The following PPFIA2 variants were observed in gnomAD, a reference collection of about 807,000 sequenced individuals.
The protein encoded by PPFIA2 is liprin-alpha-2.
In PPFIA2, 46 loss-of-function variants were observed where a neutral mutation model predicts 175.5. That is an observed-to-expected ratio of 0.26 (90% CI 0.21 to 0.34). The LOEUF (loss-of-function observed/expected upper bound fraction) is 0.34. Among genes scored for constraint, PPFIA2 ranks in the 10% least tolerant of loss-of-function variants. PPFIA2 has a pLI of 1.00. For synonymous variants in PPFIA2, 568 were observed against 511.4 expected, an observed-to-expected ratio of 1.11 and a Z score of -1.49; for missense variants, 1,179 against 1,506.1, an observed-to-expected ratio of 0.78 and a Z score of 3.60.
At chr12:81,683,986 C>A (rs1397603849) in intron 3 of PPFIA2, among the ~76,000 whole-genome samples, 1 of 152,040 alleles carries the variant, frequency 6.6e-6, no homozygotes, top group Non-Finnish European at 1.5e-5. Context: ...AACCCACTCA[C>A]CCCCAAGGGA....
At chr12:81,304,923 A>T (rs2048785638) in intron 22 of PPFIA2, among the ~76,000 whole-genome samples, 1 of 152,032 alleles carries the variant, frequency 6.6e-6, no homozygotes. Context: ...CACGGACTTG[A>T]GTCAGGCCAG....
chr12:81,601,671 T>C (rs1178630085), intron 4 of PPFIA2, among the ~76,000 whole-genome samples: 2 of 151,924 alleles, frequency 1.3e-5, no homozygotes, highest in Non-Finnish European at 2.9e-5. Flanking sequence ...TGAACAGTCT[T>C]GGAGCAGGCT....
intron 4 of PPFIA2, among the ~76,000 whole-genome samples, chr12:81,510,006 G>T (rs927664249): frequency 1.3e-5 from 2 of 152,066 alleles, no homozygotes; most frequent in African/African-American, 4.8e-5. Context: ...CACTCCAACT[G>T]CTTAATTTCC....
intron 4 of PPFIA2, among the ~76,000 whole-genome samples, chr12:81,667,249 T>C (rs1267816882): frequency 6.6e-6 from 1 of 152,088 alleles, no homozygotes; most frequent in Non-Finnish European, 1.5e-5. Context: ...CATAAAACAA[T>C]CTTTCCTATT....
intron 3 of PPFIA2, among the ~76,000 whole-genome samples, chr12:81,679,371 A>G (rs1347915335): frequency 6.6e-6 from 1 of 151,906 alleles, no homozygotes; most frequent in Non-Finnish European, 1.5e-5. Flanking sequence ...TAATGAAGCT[A>G]TCAGAGGGAT....
intron 31 of PPFIA2, among the ~76,000 whole-genome samples, chr12:81,262,503 T>C (rs747939479): frequency 1.3e-5 from 2 of 152,202 alleles, no homozygotes; most frequent in African/African-American, 2.4e-5. Flanking sequence ...ATTTGAGTTA[T>C]AATAACTGTG....
chr12:81,733,949 T>A (rs1597012644), intron 3 of PPFIA2, among the ~76,000 whole-genome samples: 2 of 151,754 alleles, frequency 1.3e-5, no homozygotes, highest in African/African-American at 4.8e-5. Context: ...TGTATTCTCA[T>A]AAACTAGATA....
intron 21 of PPFIA2, among the ~76,000 whole-genome samples, chr12:81,338,710 C>T (rs867392063): frequency 1.3e-4 from 20 of 151,848 alleles, no homozygotes; most frequent in Non-Finnish European, 2.1e-4. Flanking sequence ...ATTCTTTCAA[C>T]AAAAAAACCT....
At chr12:81,596,239 A>C (rs1228242773) in intron 4 of PPFIA2, among the ~76,000 whole-genome samples, 1 of 151,648 alleles carries the variant, frequency 6.6e-6, no homozygotes, top group Admixed American at 6.6e-5. Context: ...AAAAGCCAAG[A>C]GTTGACTATT....
At chr12:81,321,941 C>A (rs1280854308) in intron 22 of PPFIA2, among the ~76,000 whole-genome samples, 1 of 152,144 alleles carries the variant, frequency 6.6e-6, no homozygotes, top group African/African-American at 2.4e-5. Context: ...CTCAAGCAAT[C>A]CTCCTGTCTC....
At chr12:81,442,861 A>ATATATATATATG (rs1832108015) in intron 6 of PPFIA2, among the ~76,000 whole-genome samples, 3 of 81,068 alleles carry the variant, frequency 3.7e-5, no homozygotes, top group Non-Finnish European at 2.5e-5. Flanking sequence ...ATATATATAT[A>ATATATATATATG]TATATATATA....
chr12:81,561,847 A>G (rs1156887481), intron 4 of PPFIA2, among the ~76,000 whole-genome samples: 17 of 152,186 alleles, frequency 1.1e-4, no homozygotes, highest in Non-Finnish European at 1.9e-4. Flanking sequence ...TAACTGCTTA[A>G]GAGTTGATTT....
intron 4 of PPFIA2, among the ~76,000 whole-genome samples, chr12:81,631,372 A>T (rs2063364353): frequency 6.6e-6 from 1 of 152,186 alleles, no homozygotes; most frequent in Non-Finnish European, 1.5e-5. Flanking sequence ...AAGAGTCAGG[A>T]TCTAAATTCT....
chr12:81,691,946 C>G (rs1221583779), intron 3 of PPFIA2, among the ~76,000 whole-genome samples: 1 of 151,942 alleles, frequency 6.6e-6, no homozygotes, highest in Non-Finnish European at 1.5e-5. Flanking sequence ...GTATTCACAC[C>G]CTTGTGTAAT....
At chr12:81,442,845 CTTCA>C (rs1452620693) in intron 6 of PPFIA2, among the ~76,000 whole-genome samples, 7 of 51,518 alleles carry the variant, frequency 1.4e-4, no homozygotes, top group African/African-American at 5.2e-4. Context: ...CTTTTTCTGA[CTTCA>C]TATATATATA....
chr12:81,618,755 A>G (rs2061696280), intron 4 of PPFIA2, among the ~76,000 whole-genome samples: 1 of 151,876 alleles, frequency 6.6e-6, no homozygotes, highest in Non-Finnish European at 1.5e-5. Flanking sequence ...GATGGTCTCC[A>G]TCTCCTGACC....
At chr12:81,271,987 A>T (rs1040239552) in intron 28 of PPFIA2, among the ~76,000 whole-genome samples, 1 of 151,822 alleles carries the variant, frequency 6.6e-6, no homozygotes, top group Non-Finnish European at 1.5e-5. Context: ...TCTCTTTACT[A>T]TTGATGGACA....
intron 4 of PPFIA2, among the ~76,000 whole-genome samples, chr12:81,468,013 G>C (rs1025295450): frequency 3.3e-5 from 5 of 152,028 alleles, no homozygotes; most frequent in African/African-American, 1.2e-4. Flanking sequence ...CAAACCCAAC[G>C]GCTTAGAACC....
intron 7 of PPFIA2, among the ~76,000 whole-genome samples, chr12:81,419,651 C>T (rs1010568446): frequency 6.6e-6 from 1 of 151,692 alleles, no homozygotes; most frequent in South Asian, 2.1e-4. Context: ...TATTTCATTC[C>T]CTAGTTATAA....
Sources: gnomAD v4.1 joint callset for allele counts (sites outside exome capture counted in the v4.1 genomes callset) on GRCh38, gnomAD v4.1.1 for gene constraint, MANE v1.5 for transcripts, NCBI Gene and HGNC (gene_info 2026-07-23, HGNC 2026-07-21) for gene names.